The following ARAP3 variants were observed in gnomAD, a reference collection of about 807,000 sequenced individuals.
ARAP3 encodes the protein ArfGAP with RhoGAP domain, ankyrin repeat and PH domain 3.
A neutral mutation model predicts 169.2 loss-of-function variants in ARAP3; 82 were observed. That is an observed-to-expected ratio of 0.48 (90% CI 0.41 to 0.58). The LOEUF (loss-of-function observed/expected upper bound fraction) is 0.58, where lower values mean the gene tolerates loss of function less well. ARAP3 is among the 20% of genes least tolerant of loss of function. ARAP3 has a pLI of 0.00. For synonymous variants in ARAP3, 791 were observed against 800.3 expected, an observed-to-expected ratio of 0.99 and a Z score of 0.20; for missense variants, 1,764 against 2,018.0, an observed-to-expected ratio of 0.87 and a Z score of 2.41.
At chr5:141,666,745 A>C (rs1023444440) in intron 16 of ARAP3, 102 bp from the exon 17 acceptor site, 42 of 531,210 alleles carry the variant, frequency 7.9e-5, no homozygotes, top group African/African-American at 7.3e-4. Flanking sequence ...GCAGAGAAAA[A>C]CATGAAGAGA....
Position 141,658,478 on chromosome 5 carries a change from A to G in ARAP3, c.3413T>C (p.Val1138Ala). The G allele has an allele frequency of 6.2e-7, 1 of 1,614,114 alleles. No homozygotes were observed. The highest frequency in any genetic ancestry group is 8.5e-7 in the Non-Finnish European group (1 of 1,180,010). The change falls in exon 25 of 33, where the codon GTG (valine) becomes GCG (alanine). Residue 1138 changes from valine to alanine, a missense_variant and splice_region_variant. Around this residue, in one of 3 missense-constraint regions of ARAP3, gnomAD observed 1,112 missense variants for 1,285.7 expected, o/e 0.86. Transcript: ENST00000239440. ...QLPDNCVTLKVSPTLTAEELT... is the reference protein window; with the variant it reads ...QLPDNCVTLKASPTLTAEELT... ...CTCCTCAGCAGTCAGGGTTGGGGAC[A>G]CCTGGGGTCAGGGCAAGAGCAGAGA...
At position 141,680,241 on chromosome 5, in the gene ARAP3, G is replaced by T; in HGVS notation, c.246C>A (p.Ser82=). ...GCTGGGCTTGCGGGGCTGGGCTGGG[G>T]GATGGTTCCATGGCACTATCTGATT... ...DPKSDSAMEP[S]PSPAPQAQPP... Residue 82 remains serine, a synonymous_variant, in exon 2 of 33, where the codon TCC becomes TCA. Transcript: ENST00000239440. 3 of 1,614,066 alleles carry T rather than the reference G, an allele frequency of 1.9e-6. No homozygotes were observed. The highest frequency in any genetic ancestry group is 2.5e-6 in the Non-Finnish European group (3 of 1,179,954).
Position 141,680,349 on chromosome 5 carries a change from C to T in ARAP3, c.138G>A (p.Gln46=). ...ARGLGHEELK[Q]LGISATGHRK... is the part of the protein sequence containing the mutation. ...GGTGCCCTGTGGCGCTGATGCCCAA[C>T]TGCTTCAACTCCTCGTGGCCCAGGC... Residue 46 remains glutamine, a synonymous_variant, in exon 2 of 33, where the codon CAG becomes CAA. Coordinates refer to ENST00000239440, the MANE Select transcript of ARAP3 (RefSeq NM_022481.6). The T allele has an allele frequency of 6.2e-7, 1 of 1,614,234 alleles. No homozygotes were observed. The highest frequency in any genetic ancestry group is 8.5e-7 in the Non-Finnish European group (1 of 1,180,032).
rs2099908867 is a variant in ARAP3, at chr5:141,654,012, G to A, written c.4573C>T (p.Pro1525Ser). The A allele has an allele frequency of 1.9e-6, 3 of 1,565,986 alleles. No homozygotes were observed. Among genetic ancestry groups the A allele is most frequent in the South Asian group, 2.4e-5 (2 of 82,324 alleles). The change falls in exon 33 of 33, where the codon CCT (proline) becomes TCT (serine). Residue 1525 changes from proline (P) to serine (S), a missense_variant. Physicochemically the swap from Pro to Ser is moderately conservative, Grantham distance 74. Coordinates refer to ENST00000239440, the MANE Select transcript of ARAP3 (RefSeq NM_022481.6). ...PSPTGLPTQT[P>S]GFPTQPPCTS... is the part of the protein sequence containing the mutation. ...CATGGGGGTTGGGTGGGGAAGCCAG[G>A]TGTCTGTGTTGGAAGGCCAGTGGGG...
At chr5:141,665,983 G>T (rs1201701941) in intron 17 of ARAP3, among the ~76,000 whole-genome samples, 2 of 149,288 alleles carry the variant, frequency 1.3e-5, no homozygotes, top group East Asian at 3.9e-4. Context: ...GTGAGTTGAG[G>T]AGTTGAGATC....
intron 22 of ARAP3, 54 bp downstream of exon 22, chr5:141,659,725 G>A (rs2154598759): frequency 1.3e-6 from 2 of 1,578,182 alleles, no homozygotes; most frequent in Admixed American, 1.7e-5. Flanking sequence ...GAGTCTCTGG[G>A]TCCTGCAAGG....
chr5:141,661,356 C>A (rs981607409), intron 21 of ARAP3, among the ~76,000 whole-genome samples: 5 of 152,214 alleles, frequency 3.3e-5, no homozygotes, highest in Non-Finnish European at 5.9e-5. Context: ...AGACACCACG[C>A]GCCCAGCCTT....
chr5:141,681,762 G>C (rs1322432224), intron 1 of ARAP3, among the ~76,000 whole-genome samples: 1 of 152,174 alleles, frequency 6.6e-6, no homozygotes, highest in Admixed American at 6.5e-5. Context: ...TGCTCTGTCG[G>C]TGACCAGGAC....
intron 1 of ARAP3, among the ~76,000 whole-genome samples, chr5:141,681,215 G>T (rs1320323530): frequency 6.6e-6 from 1 of 152,278 alleles, no homozygotes; most frequent in East Asian, 1.9e-4. Flanking sequence ...GAAGAATAAG[G>T]ATGGGGATGC....
intron 21 of ARAP3, among the ~76,000 whole-genome samples, chr5:141,661,045 T>C (rs1351843064): frequency 6.6e-6 from 1 of 151,978 alleles, no homozygotes; most frequent in Non-Finnish European, 1.5e-5. Context: ...TTTTGTTCTT[T>C]TTTTTTCCTT....
intron 20 of ARAP3, 107 bp downstream of exon 20, chr5:141,661,936 C>A: frequency 1.3e-6 from 2 of 1,517,254 alleles, no homozygotes; most frequent in Non-Finnish European, 1.8e-6. Context: ...TCTGGATGAT[C>A]CCCCAGGGTG....
In ARAP3 at chr5:141,653,591, C is replaced by A. The variant is rs2099908803; in HGVS notation, c.*359G>T. 5.7e-6 allele frequency: 1 copy of A among 176,478 alleles called. No individual in the cohort carries two copies. Among genetic ancestry groups the A allele is most frequent in the Non-Finnish European group, 1.2e-5 (1 of 84,472 alleles). 10.9% of individuals were successfully genotyped at this position (176,478 alleles called of 1,614,324 possible). A position where few individuals can be genotyped will look rare whatever the true frequency, so the allele number is the denominator to read the frequency against. The stretch of plus-strand genomic sequence containing the variant: ...ATTTTTTTTCTTTAATGCAGTAAAA[C>A]CATTCCTTTAAAACCCAAAATCTCT... On this transcript the variant is annotated 3_prime_UTR_variant, in exon 33 of 33. Transcript: ENST00000239440.
rs147436062 is a variant in ARAP3 at position 141,661,905 on chromosome 5, C to T, written c.3014-116G>A. Reference sequence around the variant, plus strand: ...GATGGATGTGTCTCTGCCCCCTTCCCACCTCCCCCTGAGCCAAGTCTCTGG... The same window carrying T: ...GATGGATGTGTCTCTGCCCCCTTCCTACCTCCCCCTGAGCCAAGTCTCTGG... On this transcript the variant is annotated intron_variant, in intron 20 of 32. Coordinates refer to ENST00000239440, the MANE Select transcript of ARAP3 (RefSeq NM_022481.6). 16 of 1,486,992 alleles carry T rather than the reference C, an allele frequency of 1.1e-5. No homozygotes were observed. The East Asian group carries it at 3.7e-4, about 34-fold the overall frequency. 92.1% of individuals were successfully genotyped at this position (1,486,992 alleles called of 1,614,324 possible).
At chr5:141,657,043 C>T (rs2099909349) in intron 25 of ARAP3, among the ~76,000 whole-genome samples, 197 bp from the exon 26 acceptor site, 1 of 152,196 alleles carries the variant, frequency 6.6e-6, no homozygotes, top group Admixed American at 6.5e-5. Flanking sequence ...ACAAAGCACA[C>T]AGTCTAGTGA....
In ARAP3 at chr5:141,658,470, T is replaced by C. The variant is rs199947032; in HGVS notation, c.3421A>G (p.Thr1141Ala). Reference protein sequence around the residue: ...DNCVTLKVSPTLTAEELTNQV... With the variant: ...DNCVTLKVSPALTAEELTNQV... ...TTAGTCAGCTCCTCAGCAGTCAGGGTTGGGGACACCTGGGGTCAGGGCAAG... is the reference window on the plus strand; with the variant it reads ...TTAGTCAGCTCCTCAGCAGTCAGGGCTGGGGACACCTGGGGTCAGGGCAAG... Residue 1141 changes from threonine (T) to alanine (A), a missense_variant, in exon 25 of 33, where the codon ACC (threonine) becomes GCC (alanine). Coordinates refer to ENST00000239440, the MANE Select transcript of ARAP3 (RefSeq NM_022481.6). The C allele has an allele frequency of 1.2e-6, 2 of 1,614,014 alleles. No homozygotes were observed. Among genetic ancestry groups the C allele is most frequent in the Non-Finnish European group, 1.7e-6 (2 of 1,180,010 alleles).
At chr5:141,670,399 C>T in intron 14 of ARAP3, 113 bp downstream of exon 14, 2 of 1,182,512 alleles carry the variant, frequency 1.7e-6, no homozygotes, top group South Asian at 1.4e-5. Context: ...AGCCCATTCC[C>T]AGGCATGGCC....
At chr5:141,673,355 C>T (rs1179225479) in intron 6 of ARAP3, 46 bp downstream of exon 6, 3 of 1,611,942 alleles carry the variant, frequency 1.9e-6, no homozygotes, top group African/African-American at 1.3e-5. Flanking sequence ...CCTCTCAGCC[C>T]TCCCTCTCCC....
chr5:141,656,021 G>A, intron 29 of ARAP3, 43 bp downstream of exon 29: 3 of 1,614,000 alleles, frequency 1.9e-6, no homozygotes, highest in South Asian at 1.1e-5. Context: ...AAGACAGGGT[G>A]CAGAGGTGGG....
intron 25 of ARAP3, 81 bp from the exon 26 acceptor site, chr5:141,656,927 C>T (rs1426039287): frequency 4.0e-6 from 6 of 1,503,782 alleles, no homozygotes; most frequent in Non-Finnish European, 5.4e-6. Flanking sequence ...ATTCATTCAT[C>T]CATTCAACTA....
Sources: gnomAD v4.1 joint callset for allele counts (sites outside exome capture counted in the v4.1 genomes callset) on GRCh38, gnomAD v4.1.1 for gene constraint, gnomAD v4.1.1 regional missense constraint, MANE v1.5 for transcripts, NCBI Gene and HGNC (gene_info 2026-07-23, HGNC 2026-07-21) for gene names.